The following TSEN15 variants were observed in gnomAD, a reference collection of about 807,000 sequenced individuals.
The protein encoded by TSEN15 is tRNA splicing endonuclease subunit 15.
Under a neutral mutation model 20.5 loss-of-function variants are expected in TSEN15, and 10 were observed. The ratio of observed to expected loss-of-function variants is 0.49; its 90% CI spans 0.30 to 0.83. TSEN15 has a LOEUF of 0.83. TSEN15 is among the 40% of genes least tolerant of loss of function. The pLI, the probability that TSEN15 is intolerant of heterozygous loss-of-function variation, is 0.06. For synonymous variants in TSEN15, 72 were observed against 80.1 expected (o/e 0.90, Z 0.54); for missense variants, 180 against 218.6 (o/e 0.82, Z 1.11).
intron 3 of TSEN15, among the ~76,000 whole-genome samples, chr1:184,066,762 T>C (rs1033541666): frequency 4.6e-5 from 7 of 152,162 alleles, no homozygotes; most frequent in African/African-American, 1.7e-4. Flanking sequence ...CTTTAACACT[T>C]TGTTGGATAT....
intron 3 of TSEN15, among the ~76,000 whole-genome samples, chr1:184,068,025 T>G (rs896556889): frequency 6.7e-6 from 1 of 149,292 alleles, no homozygotes; most frequent in African/African-American, 2.4e-5. Flanking sequence ...TATCACCATT[T>G]TCCACGCTTT....
At chr1:184,059,009 ACTGAATATTCG>A (rs1650349723) in intron 3 of TSEN15, among the ~76,000 whole-genome samples, 1 of 151,102 alleles carries the variant, frequency 6.6e-6, no homozygotes, top group Non-Finnish European at 1.5e-5. Context: ...GTATTCTAGC[ACTGAATATTCG>A]CTTAGAAAAT....
At chr1:184,066,744 A>G (rs1650678580) in intron 3 of TSEN15, among the ~76,000 whole-genome samples, 1 of 152,040 alleles carries the variant, frequency 6.6e-6, no homozygotes, top group African/African-American at 2.4e-5. Flanking sequence ...CAGTCCTCTC[A>G]CTTTGTTCTT....
In TSEN15 at chr1:184,073,622, G is replaced by T. The variant is rs1014413068; in HGVS notation, c.*775G>T. The T allele has an allele frequency of 8.5e-5, 13 of 152,470 alleles. No individual in the cohort carries two copies. Among genetic ancestry groups the T allele is most frequent in the African/African-American group, 3.1e-4 (13 of 41,398 alleles). 9.4% of individuals were successfully genotyped at this position (152,470 alleles called of 1,614,324 possible). ...CACTTTTGTTAATGTCTCTCAAATT[G>T]TACAAAGTATAAAAAATTATATGCA... On this transcript the variant is annotated 3_prime_UTR_variant, in exon 5 of 5. Coordinates refer to ENST00000645668, the MANE Select transcript of TSEN15 (RefSeq NM_052965.4).
At chr1:184,052,665 G>A (rs149740672) in intron 1 of TSEN15, among the ~76,000 whole-genome samples, 67 of 152,186 alleles carry the variant, frequency 4.4e-4, no homozygotes, top group African/African-American at 1.5e-3. Context: ...AAATTTGAAG[G>A]TATAAGTTTG....
At chr1:184,089,457 C>T (rs137965342) in intron 3 of TSEN15, among the ~76,000 whole-genome samples, 271 of 152,202 alleles carry the variant, frequency 1.8e-3, no homozygotes, top group Middle Eastern at 6.8e-3. Context: ...CTTTTAGGCA[C>T]CTAAAACAGC....
At chr1:184,078,791 T>C (rs1651110629), downstream of TSEN15, among the ~76,000 whole-genome samples, 1 of 152,184 alleles carries the variant, frequency 6.6e-6, no homozygotes. Context: ...TTATTTTTTA[T>C]TTTTTACTAA....
intron 1 of TSEN15, among the ~76,000 whole-genome samples, chr1:184,052,775 ATAT>A (rs1241879828): frequency 6.6e-6 from 1 of 152,174 alleles, no homozygotes; most frequent in East Asian, 1.9e-4. Flanking sequence ...TAGCATGGAA[ATAT>A]TATTTAGTGC....
chr1:184,060,255 T>C (rs1238038383), intron 3 of TSEN15, among the ~76,000 whole-genome samples: 1 of 152,244 alleles, frequency 6.6e-6, no homozygotes, highest in Non-Finnish European at 1.5e-5. Context: ...CAGCTAGCAC[T>C]TAGAGAGTCT....
intron 1 of TSEN15, among the ~76,000 whole-genome samples, chr1:184,052,151 G>A (rs1479670653): frequency 6.6e-6 from 1 of 152,184 alleles, no homozygotes; most frequent in East Asian, 1.9e-4. Flanking sequence ...TCAAGCCGGA[G>A]ATCCCTAATA....
rs374195968 is a variant in TSEN15, at chr1:184,054,833, C to T, written c.323C>T (p.Thr108Ile). 4 of 1,611,286 alleles carry T rather than the reference C, an allele frequency of 2.5e-6. No individual in the cohort carries two copies. The highest frequency in any genetic ancestry group is 4.5e-5 in the East Asian group (2 of 44,864). Residue 108 changes from threonine (T) to isoleucine (I), a missense_variant, in exon 3 of 5, where the codon ACC becomes ATC. Coordinates refer to ENST00000645668, the MANE Select transcript of TSEN15 (RefSeq NM_052965.4). ...EGEGLQTVVP[T>I]PITASLSHNR... ...GAGGGGTTACAGACTGTGGTGCCTACCCCCATCACTGCTTCCCTCAGCCAT... is the reference window on the plus strand; with the variant it reads ...GAGGGGTTACAGACTGTGGTGCCTATCCCCATCACTGCTTCCCTCAGCCAT...
rs186816028 is a variant in TSEN15, at chr1:184,084,240, C to T, written c.354-11450C>T. ...CCCTTTGCAGCCTCCAAACTCTTCC[C>T]ATTGATGTGCAGGTTGCCACCTTGG... On this transcript the variant is annotated intron_variant, in intron 3 of 3. Transcript: ENST00000643231. Among the ~76,000 whole-genome samples, 746 of 152,066 alleles carry T rather than the reference C, an allele frequency of 4.9e-3. 8 individuals carry two copies. Among genetic ancestry groups the T allele is most frequent in the African/African-American group, 0.017 (705 of 41,506 alleles).
chr1:184,063,428 G>A (rs1299112062), intron 3 of TSEN15, among the ~76,000 whole-genome samples: 1 of 152,168 alleles, frequency 6.6e-6, no homozygotes, highest in Non-Finnish European at 1.5e-5. Flanking sequence ...TGCCTTAAGA[G>A]AAGTGAAAAT....
intron 3 of TSEN15, among the ~76,000 whole-genome samples, chr1:184,061,909 T>A (rs2102884623): frequency 6.6e-6 from 1 of 152,286 alleles, no homozygotes; most frequent in South Asian, 2.1e-4. Flanking sequence ...TGCATTACTT[T>A]GAGCACAAGT....
chr1:184,085,404 A>G (rs779279353), intron 3 of TSEN15, among the ~76,000 whole-genome samples: 1 of 152,258 alleles, frequency 6.6e-6, no homozygotes, highest in African/African-American at 2.4e-5. Context: ...CCCAGAAGTT[A>G]GAACAGTGTC....
chr1:184,089,134 A>G lies in TSEN15; in HGVS notation c.354-6556A>G, dbSNP rs74554415. Reference sequence around the variant, plus strand: ...TTTTGGTGAAGTTTCCCCACTTTTAACTTCACAAAATATCAATTTTATTTA... The same window carrying G: ...TTTTGGTGAAGTTTCCCCACTTTTAGCTTCACAAAATATCAATTTTATTTA... On this transcript the variant is annotated intron_variant, in intron 3 of 3. Transcript: ENST00000643231. Among the ~76,000 whole-genome samples, 57 of 152,318 alleles carry G rather than the reference A, an allele frequency of 3.7e-4. 1 individual carries two copies. In the East Asian group the frequency reaches 0.011, roughly 29 times the overall value.
chr1:184,058,072 A>C, intron 3 of TSEN15: 1 of 353,118 alleles, frequency 2.8e-6, no homozygotes, highest in Non-Finnish European at 5.5e-6. Flanking sequence ...AATAAAATTA[A>C]TGAAAGCAAT....
chr1:184,087,145 A>G (rs1050099407), intron 3 of TSEN15, among the ~76,000 whole-genome samples: 3 of 152,252 alleles, frequency 2.0e-5, no homozygotes. Flanking sequence ...AATGCAAGCC[A>G]CATATGTAAT....
intron 4 of TSEN15, 166 bp downstream of exon 4, chr1:184,072,464 G>T (rs1242257536): frequency 9.1e-6 from 6 of 657,864 alleles, no homozygotes; most frequent in Non-Finnish European, 9.6e-6. Context: ...GTTATATTTT[G>T]TTCAAAGTAG....
Sources: allele counts gnomAD v4.1 joint callset (sites outside exome capture counted in the v4.1 genomes callset), GRCh38; gene constraint gnomAD v4.1.1; transcripts MANE v1.5; gene names NCBI Gene and HGNC (gene_info 2026-07-23, HGNC 2026-07-21).